The following SIMC1 variants were observed in gnomAD, a reference collection of about 807,000 sequenced individuals.
The protein encoded by SIMC1 is SUMO interacting motifs containing 1, also known as SUMO-interacting motif-containing protein 1.
Under a neutral mutation model 82.3 loss-of-function variants are expected in SIMC1, and 55 were observed. That is an observed-to-expected ratio of 0.67 (90% CI 0.54 to 0.84). The LOEUF is 0.84. Among genes scored for constraint, SIMC1 ranks in the 40% least tolerant of loss-of-function variants. The pLI is 0.00. For missense variants in SIMC1, 915 were observed against 1,107.2 expected (o/e 0.83, Z 2.46); for synonymous variants, 353 against 426.3 (o/e 0.83, Z 2.12).
chr5:176,260,130 G>A (rs1367988009), intron 1 of SIMC1, among the ~76,000 whole-genome samples: 1 of 151,972 alleles, frequency 6.6e-6, no homozygotes, highest in Admixed American at 6.6e-5. Flanking sequence ...TGCACAACAT[G>A]GTGCCTGGTA....
At chr5:176,324,817 G>T in intron 7 of SIMC1, 60 bp downstream of exon 7, 4 of 1,476,306 alleles carry the variant, frequency 2.7e-6, no homozygotes, top group East Asian at 2.5e-5. Context: ...AAAAACTCTT[G>T]GAAATCATTT....
chr5:176,247,452 GTTGT>G (rs535311573), intron 1 of SIMC1, among the ~76,000 whole-genome samples: 2,757 of 152,120 alleles, frequency 0.018, 88 homozygotes, highest in African/African-American at 0.063. Context: ...TTTTGATGGG[GTTGT>G]TTGTTTTTTT....
intron 1 of SIMC1, among the ~76,000 whole-genome samples, chr5:176,254,792 T>C (rs964142879): frequency 1.3e-5 from 2 of 152,134 alleles, no homozygotes; most frequent in Admixed American, 6.6e-5. Context: ...CAAATTTTAT[T>C]AAACTTAGGT....
At chr5:176,276,291 T>C (rs1338175173) in intron 1 of SIMC1, among the ~76,000 whole-genome samples, 1 of 151,604 alleles carries the variant, frequency 6.6e-6, no homozygotes, top group Non-Finnish European at 1.5e-5. Context: ...TGATGGTAGT[T>C]TGTATTTCTT....
intron 5 of SIMC1, among the ~76,000 whole-genome samples, chr5:176,317,029 G>T (rs1302361397): frequency 6.6e-6 from 1 of 152,108 alleles, no homozygotes; most frequent in Non-Finnish European, 1.5e-5. Context: ...AGGGGTGTTT[G>T]TGACCTCTAA....
intron 1 of SIMC1, among the ~76,000 whole-genome samples, chr5:176,262,904 A>G (rs1762066539): frequency 6.6e-6 from 1 of 151,778 alleles, no homozygotes; most frequent in Non-Finnish European, 1.5e-5. Flanking sequence ...AAGAATCTAG[A>G]AAAAAACCTC....
chr5:176,281,855 A>T (rs1022586059), intron 1 of SIMC1, among the ~76,000 whole-genome samples: 1 of 152,192 alleles, frequency 6.6e-6, no homozygotes, highest in Non-Finnish European at 1.5e-5. Context: ...GGTGCCTCCC[A>T]GTTAGGCTGC....
intron 1 of SIMC1, among the ~76,000 whole-genome samples, chr5:176,282,271 T>A (rs867277463): frequency 6.6e-6 from 1 of 152,228 alleles, no homozygotes; most frequent in African/African-American, 2.4e-5. Context: ...CGCCCTTTTT[T>A]AAGCCCGTCG....
intron 1 of SIMC1, among the ~76,000 whole-genome samples, chr5:176,246,322 T>A (rs551143594): frequency 1.2e-3 from 185 of 152,078 alleles, no homozygotes; most frequent in East Asian, 3.3e-3. Flanking sequence ...GTGACTCCAT[T>A]TTGATACTGA....
intron 9 of SIMC1, among the ~76,000 whole-genome samples, chr5:176,342,741 C>A (rs379653): frequency 6.6e-6 from 1 of 152,058 alleles, no homozygotes; most frequent in Non-Finnish European, 1.5e-5. Context: ...ACAGACCCTC[C>A]GTGGCTAGAG....
intron 7 of SIMC1, among the ~76,000 whole-genome samples, chr5:176,326,793 G>A (rs1189478797): frequency 6.6e-6 from 1 of 152,128 alleles, no homozygotes; most frequent in Non-Finnish European, 1.5e-5. Context: ...TCAAACTCCT[G>A]ACCTCAGGTG....
At chr5:176,307,334 A>G (rs1445943200) in intron 4 of SIMC1, among the ~76,000 whole-genome samples, 1 of 152,214 alleles carries the variant, frequency 6.6e-6, no homozygotes, top group Non-Finnish European at 1.5e-5. Flanking sequence ...CTGTGAATAT[A>G]CTTAACACTA....
At chr5:176,287,863 A>G (rs1237982102) in intron 1 of SIMC1, among the ~76,000 whole-genome samples, 3 of 152,158 alleles carry the variant, frequency 2.0e-5, no homozygotes, top group Non-Finnish European at 2.9e-5. Flanking sequence ...ATACATTTCT[A>G]TTTTCAATAT....
At chr5:176,339,207 C>CA (rs558765379) in intron 9 of SIMC1, among the ~76,000 whole-genome samples, 2 of 151,924 alleles carry the variant, frequency 1.3e-5, no homozygotes, top group East Asian at 1.9e-4. Context: ...ACTAAAAATA[C>CA]AAAAAAATTA....
chr5:176,252,524 C>A (rs1473576099), intron 1 of SIMC1, among the ~76,000 whole-genome samples: 1 of 148,472 alleles, frequency 6.7e-6, no homozygotes, highest in Non-Finnish European at 1.5e-5. Flanking sequence ...AGAGGCGCTT[C>A]CCACATCTCA....
intron 5 of SIMC1, among the ~76,000 whole-genome samples, chr5:176,314,397 C>A (rs1764810401): frequency 6.6e-6 from 1 of 152,226 alleles, no homozygotes; most frequent in Non-Finnish European, 1.5e-5. Context: ...GACCAACAGA[C>A]TTCCTTTGGT....
intron 7 of SIMC1, among the ~76,000 whole-genome samples, chr5:176,327,918 T>G (rs1293968831): frequency 6.6e-6 from 1 of 152,228 alleles, no homozygotes; most frequent in Non-Finnish European, 1.5e-5. Flanking sequence ...CAACTTTGCA[T>G]TCCTGGAATA....
chr5:176,290,100 T>C lies in SIMC1; in HGVS notation c.576T>C (p.Ser192=), dbSNP rs1763477182. 1 of 1,606,106 alleles carries C rather than the reference T, an allele frequency of 6.2e-7. No homozygotes were observed. ...VSSLSPTSNN[S]RSSSSSSNQK... ...CCCTCTCCCCAACAAGCAATAATAG[T>C]AGGAGCAGCAGCAGCAGCAGCAATC... The change falls in exon 2 of 10, where the codon AGT becomes AGC. Residue 192 remains serine, a synonymous_variant. Transcript: ENST00000429602.
At chr5:176,332,054 GT>G (rs1383251533) in intron 7 of SIMC1, among the ~76,000 whole-genome samples, 1 of 152,046 alleles carries the variant, frequency 6.6e-6, no homozygotes, top group Non-Finnish European at 1.5e-5. Flanking sequence ...AAGAAAAAAG[GT>G]TATGTTTATT....
Sources: gnomAD v4.1 joint callset for allele counts (sites outside exome capture counted in the v4.1 genomes callset) on GRCh38, gnomAD v4.1.1 for gene constraint, MANE v1.5 for transcripts, NCBI Gene and HGNC (gene_info 2026-07-23, HGNC 2026-07-21) for gene names.